The following SORCS2 variants were observed in gnomAD, a reference collection of about 807,000 sequenced individuals.
The protein encoded by SORCS2 is sortilin related VPS10 domain containing receptor 2.
In SORCS2, 100 loss-of-function variants were observed where a neutral mutation model predicts 141.6. The observed-to-expected ratio is 0.71, with a 90% CI of 0.60 to 0.83. SORCS2 has a LOEUF of 0.83. Among genes scored for constraint, SORCS2 ranks in the 40% least tolerant of loss-of-function variants. The pLI is 0.00. For synonymous variants in SORCS2, 789 were observed against 676.9 expected (o/e 1.17, Z -2.57); for missense variants, 1,646 against 1,560.2 (o/e 1.05, Z -0.93).
chr4:7,472,829 G>A (rs1428890684), intron 2 of SORCS2, among the ~76,000 whole-genome samples: 4 of 152,066 alleles, frequency 2.6e-5, no homozygotes, highest in African/African-American at 9.7e-5. Flanking sequence ...TGATTGGGGC[G>A]AGGGCGGAAT....
Position 7,712,755 on chromosome 4 carries a change from C to T in SORCS2, c.1891C>T (p.Arg631Cys), listed in dbSNP as rs749759274. ...VMTVFGHISF[R>C]SDWELVKVDF... ...CAGGGTCTTTGGCCACATCAGCTTCCGCTCCGATTGGGAGCTGGTCAAGGT... is the reference window on the plus strand; with the variant it reads ...CAGGGTCTTTGGCCACATCAGCTTCTGCTCCGATTGGGAGCTGGTCAAGGT... The change falls in exon 15 of 27, where the codon CGC becomes TGC. Residue 631 changes from arginine to cysteine, a missense_variant. Arg to Cys is a radical substitution (Grantham distance 180, BLOSUM62 -3). Transcript: ENST00000507866. The T allele has an allele frequency of 4.3e-6, 7 of 1,614,010 alleles. No individual in the cohort carries two copies. The highest frequency in any genetic ancestry group is 2.2e-5 in the East Asian group (1 of 44,880).
chr4:7,279,683 C>A (rs962711365), intron 1 of SORCS2, among the ~76,000 whole-genome samples: 1 of 152,120 alleles, frequency 6.6e-6, no homozygotes, highest in Non-Finnish European at 1.5e-5. Flanking sequence ...TGTCCAGCCG[C>A]GGAATTACAG....
At chr4:7,727,722 C>T (rs1352518502) in intron 21 of SORCS2, among the ~76,000 whole-genome samples, 1 of 152,186 alleles carries the variant, frequency 6.6e-6, no homozygotes, top group Non-Finnish European at 1.5e-5. Flanking sequence ...TTGAGCCCGT[C>T]AGCCCTGCAC....
chr4:7,288,116 A>T (rs1716350110), intron 1 of SORCS2, among the ~76,000 whole-genome samples: 1 of 152,158 alleles, frequency 6.6e-6, no homozygotes, highest in Non-Finnish European at 1.5e-5. Flanking sequence ...TGCAGTGTTT[A>T]AGCACTCGAG....
At chr4:7,437,902 C>T (rs984791729) in intron 2 of SORCS2, among the ~76,000 whole-genome samples, 3 of 152,196 alleles carry the variant, frequency 2.0e-5, no homozygotes, top group Admixed American at 1.3e-4. Flanking sequence ...CCTGTCTGTC[C>T]ACACACATGT....
At chr4:7,364,352 T>G (rs994312077) in intron 1 of SORCS2, among the ~76,000 whole-genome samples, 1 of 152,210 alleles carries the variant, frequency 6.6e-6, no homozygotes, top group Non-Finnish European at 1.5e-5. Context: ...GTCTTTTCGG[T>G]GACATCTTGC....
intron 8 of SORCS2, among the ~76,000 whole-genome samples, chr4:7,669,614 C>T (rs1051830774): frequency 6.6e-6 from 1 of 152,176 alleles, no homozygotes; most frequent in South Asian, 2.1e-4. Flanking sequence ...TTCCTCTTCC[C>T]ACAGACTCAA....
At chr4:7,723,116 C>T (rs370251795) in intron 18 of SORCS2, among the ~76,000 whole-genome samples, 9 of 152,126 alleles carry the variant, frequency 5.9e-5, no homozygotes, top group African/African-American at 2.2e-4. Context: ...CTCGGTGCCA[C>T]GCGGGGATGG....
rs146219375 is a variant in SORCS2 at position 7,475,913 on chromosome 4, G to A, written c.549-55617G>A. 4.1e-3 allele frequency among the ~76,000 whole-genome samples: 632 copies of A among 152,314 alleles called. 7 individuals are homozygous for A. Among genetic ancestry groups the A allele is most frequent in the African/African-American group, 0.014 (578 of 41,574 alleles). ...GGTTCTTGGATCTGGTGCCACTGTC[G>A]TCCATGTTCTTGTCCCTTCGGCTGT... On this transcript the variant is annotated intron_variant, in intron 2 of 26. Coordinates refer to ENST00000507866, the MANE Select transcript of SORCS2 (RefSeq NM_020777.3).
At chr4:7,740,058 A>T in intron 26 of SORCS2, 142 bp from the exon 27 acceptor site, 1 of 673,458 alleles carries the variant, frequency 1.5e-6, no homozygotes, top group Non-Finnish European at 2.6e-6. Context: ...GACCCCCTGC[A>T]CCTGCACGGG....
chr4:7,684,318 G>A (rs1238531463), intron 10 of SORCS2, among the ~76,000 whole-genome samples: 1 of 152,230 alleles, frequency 6.6e-6, no homozygotes, highest in African/African-American at 2.4e-5. Context: ...AGGATGAGAT[G>A]AAAGAATGCA....
rs568389626 is a variant in SORCS2 at position 7,469,583 on chromosome 4, C to T, written c.549-61947C>T. ...CTGAGTCTGTAGCTTCCTTCCAGCC[C>T]CACTGAGGCTTCCAAGTCTCTTGCC... is the stretch of plus-strand genomic sequence containing the variant. On this transcript the variant is annotated intron_variant, in intron 2 of 26. Coordinates refer to ENST00000507866, the MANE Select transcript of SORCS2 (RefSeq NM_020777.3). Among the ~76,000 whole-genome samples the T allele has an allele frequency of 1.6e-4, 25 of 152,286 alleles. 1 individual carries two copies. The highest frequency in any genetic ancestry group is 2.6e-4 in the Non-Finnish European group (18 of 68,034).
intron 3 of SORCS2, among the ~76,000 whole-genome samples, chr4:7,543,558 C>A (rs1295859477): frequency 7.2e-6 from 1 of 138,706 alleles, no homozygotes; most frequent in Admixed American, 7.2e-5. Flanking sequence ...CATCCATGCA[C>A]CCACCCATCC....
Position 7,740,870 on chromosome 4 carries a change from T to G in SORCS2, c.*606T>G. On this transcript the variant is annotated 3_prime_UTR_variant, in exon 27 of 27. Coordinates refer to ENST00000507866, the MANE Select transcript of SORCS2 (RefSeq NM_020777.3). The stretch of plus-strand genomic sequence containing the variant: ...GCGGTGGTGGGGGTGTCTCACTCTC[T>G]GTCTTTATAGCCGGCGGTAGCCACC... The G allele has an allele frequency of 2.5e-6, 1 of 395,224 alleles. No homozygotes were observed. Among genetic ancestry groups the G allele is most frequent in the African/African-American group, 2.1e-5 (1 of 48,632 alleles). The allele number at this position is 395,224 out of a possible 1,614,324, so 24.5% of individuals were successfully genotyped here. A position where few individuals can be genotyped will look rare whatever the true frequency, so the allele number is the denominator to read the frequency against.
At chr4:7,410,695 TGA>T (rs1725245060) in intron 2 of SORCS2, among the ~76,000 whole-genome samples, 1 of 152,212 alleles carries the variant, frequency 6.6e-6, no homozygotes, top group African/African-American at 2.4e-5. Flanking sequence ...CATGGAGATC[TGA>T]GTTTGATTTA....
rs1246897489 is a variant in SORCS2 at position 7,192,838 on chromosome 4, G to A, written c.192G>A (p.Leu64=). Residue 64 remains leucine (L), a synonymous_variant, in exon 1 of 27, where the codon CTG becomes CTA. Coordinates refer to ENST00000507866, the MANE Select transcript of SORCS2 (RefSeq NM_020777.3). The surrounding 1 kb of genome is among the most constrained non-coding windows in gnomAD (Gnocchi z 4.0). ...GGCGCCTGGGTCCTCACGCCCAACT[G>A]ACCCGGGTGCCGCGGAGCCCTCCCG... ...EPGRLGPHAQ[L]TRVPRSPPAG... The A allele has an allele frequency of 1.9e-6, 2 of 1,041,884 alleles. No homozygotes were observed. The highest frequency in any genetic ancestry group is 2.3e-6 in the Non-Finnish European group (2 of 868,756). 64.5% of individuals were successfully genotyped at this position (1,041,884 alleles called of 1,614,324 possible). A position where few individuals can be genotyped will look rare whatever the true frequency, so the allele number is the denominator to read the frequency against.
chr4:7,473,355 A>T (rs1423659536), intron 2 of SORCS2, among the ~76,000 whole-genome samples: 1 of 152,146 alleles, frequency 6.6e-6, no homozygotes, highest in Non-Finnish European at 1.5e-5. Context: ...TTGGGTGCCT[A>T]CAGGGACCCT....
chr4:7,323,743 C>T (rs906025856), intron 1 of SORCS2, among the ~76,000 whole-genome samples: 2 of 152,106 alleles, frequency 1.3e-5, no homozygotes, highest in African/African-American at 4.8e-5. Flanking sequence ...CACTATCACT[C>T]TACCCTGGAT....
At chr4:7,425,217 T>A (rs556552553) in intron 2 of SORCS2, among the ~76,000 whole-genome samples, 156 of 152,274 alleles carry the variant, frequency 1.0e-3, no homozygotes, top group African/African-American at 3.5e-3. Context: ...ATGTCCCAAA[T>A]CCCTGGCCCT....
Sources: allele counts gnomAD v4.1 joint callset (sites outside exome capture counted in the v4.1 genomes callset), GRCh38; gene constraint gnomAD v4.1.1; non-coding constraint Gnocchi (gnomAD v3.1); transcripts MANE v1.5; gene names NCBI Gene and HGNC (gene_info 2026-07-23, HGNC 2026-07-21).